Variants in CCDC12 observed in about 807,000 individuals in gnomAD.
CCDC12 encodes the protein coiled-coil domain containing 12.
In CCDC12, 28 loss-of-function variants were observed where a neutral mutation model predicts 25.7. The observed-to-expected ratio is 1.09, with a 90% CI of 0.81 to 1.50. CCDC12 has a LOEUF of 1.50. Ranked by LOEUF, CCDC12 falls within the 40% of genes most tolerant of loss-of-function variation. The pLI, the probability that CCDC12 is intolerant of heterozygous loss-of-function variation, is 0.00. For missense variants in CCDC12, 198 were observed against 210.0 expected, an observed-to-expected ratio of 0.94 and a Z score of 0.35; for synonymous variants, 75 against 87.7, an observed-to-expected ratio of 0.86 and a Z score of 0.81.
chr3:46,946,629 C>T (rs2033917545), intron 1 of CCDC12, among the ~76,000 whole-genome samples: 2 of 152,332 alleles, frequency 1.3e-5, no homozygotes, highest in East Asian at 1.9e-4. Context: ...AGCATGAGGG[C>T]CGACACCCTG....
upstream of CCDC12, among the ~76,000 whole-genome samples, chr3:46,977,419 G>A (rs1443235614): frequency 1.3e-5 from 2 of 149,586 alleles, no homozygotes; most frequent in Admixed American, 1.3e-4. Flanking sequence ...GTTGCAGTGA[G>A]CCGAGATCGT....
At chr3:46,975,480 C>T (rs1461080778) in intron 1 of CCDC12, among the ~76,000 whole-genome samples, 1 of 151,142 alleles carries the variant, frequency 6.6e-6, no homozygotes, top group East Asian at 2.0e-4. Flanking sequence ...GCCCGGCCCT[C>T]GTTCCCAATT....
chr3:46,926,698 C>A (rs1033844036), intron 2 of CCDC12, among the ~76,000 whole-genome samples: 2 of 152,152 alleles, frequency 1.3e-5, no homozygotes, highest in African/African-American at 4.8e-5. Context: ...TGGGACAGAC[C>A]CCTAGCCCCA....
intron 1 of CCDC12, among the ~76,000 whole-genome samples, chr3:46,959,639 G>C (rs1332459797): frequency 6.6e-6 from 1 of 152,128 alleles, no homozygotes; most frequent in Admixed American, 6.6e-5. Flanking sequence ...CAGTTGAGAA[G>C]AGCAGACCCT....
chr3:46,971,450 C>T lies in CCDC12; in HGVS notation c.96+5187G>A, dbSNP rs78640397. ...ATCCCAGCTCTCCTCAGCCTCTTGC[C>T]TTGCTCCTCTCACTAATAAGTGGCA... On this transcript the variant is annotated intron_variant, in intron 1 of 6. Transcript: ENST00000683445. Among the ~76,000 whole-genome samples, 561 of 152,358 alleles carry T rather than the reference C, an allele frequency of 3.7e-3. 4 individuals carry two copies. The highest frequency in any genetic ancestry group is 0.013 in the African/African-American group (537 of 41,588).
At position 46,921,866 on chromosome 3, in the gene CCDC12, C is replaced by T. The variant is rs993802816; in HGVS notation, c.*191G>A. The T allele has an allele frequency of 1.8e-5, 11 of 615,530 alleles. No individual in the cohort carries two copies. The highest frequency in any genetic ancestry group is 3.7e-5 in the African/African-American group (2 of 54,098). The allele number at this position is 615,530 out of a possible 1,614,324, so 38.1% of individuals were successfully genotyped here. A position where few individuals can be genotyped will look rare whatever the true frequency, so the allele number is the denominator to read the frequency against. On this transcript the variant is annotated 3_prime_UTR_variant, in exon 7 of 7. Transcript: ENST00000683445. Reference sequence around the variant, plus strand: ...CCCAGAGTTGTTGCTGGTTCTGCCTCCATTCAGAATGGCAGGGGCCACCCA... The same window carrying T: ...CCCAGAGTTGTTGCTGGTTCTGCCTTCATTCAGAATGGCAGGGGCCACCCA...
intron 2 of CCDC12, among the ~76,000 whole-genome samples, chr3:46,927,899 G>T (rs888943610): frequency 5.9e-5 from 9 of 152,192 alleles, no homozygotes; most frequent in African/African-American, 2.2e-4. Flanking sequence ...GCCCACCCCC[G>T]GAATTCCACC....
intron 1 of CCDC12, among the ~76,000 whole-genome samples, chr3:46,969,718 C>T (rs1044177714): frequency 6.6e-6 from 1 of 152,192 alleles, no homozygotes; most frequent in African/African-American, 2.4e-5. Context: ...TGATGGTCAT[C>T]TGGGTTTCCA....
rs2034823301 is a variant in CCDC12 at position 46,972,152 on chromosome 3, A to G, written c.96+4485T>C. Among the ~76,000 whole-genome samples the G allele has an allele frequency of 2.6e-5, 4 of 152,224 alleles. No homozygotes were observed. In the South Asian group the frequency reaches 8.3e-4, roughly 32 times the overall value. ...AAAACAGATAAATTGAACTTCATCA[A>G]ATTTTAAACTCTTTGCGCAGCAAAT... is the stretch of plus-strand genomic sequence containing the variant. On this transcript the variant is annotated intron_variant, in intron 1 of 6. Transcript: ENST00000683445.
upstream of CCDC12, among the ~76,000 whole-genome samples, chr3:46,977,269 T>C (rs996272809): frequency 7.2e-5 from 11 of 152,128 alleles, no homozygotes; most frequent in Non-Finnish European, 1.6e-4. Context: ...GGTCAGGAGA[T>C]GGAGACCATC....
In CCDC12 at chr3:46,940,765, T is replaced by C. The variant is rs113330205; in HGVS notation, c.164+233A>G. 5.8e-4 allele frequency: 326 copies of C among 557,734 alleles called. 1 individual carries two copies. Among genetic ancestry groups the C allele is most frequent in the African/African-American group, 5.5e-3 (293 of 53,286 alleles). 34.5% of individuals were successfully genotyped at this position (557,734 alleles called of 1,614,324 possible). On this transcript the variant is annotated intron_variant, in intron 2 of 6. Transcript: ENST00000683445. The stretch of plus-strand genomic sequence containing the variant: ...CATAATGTAAGGGCTAGAAAGAAAA[T>C]GCTGGGGGCTGAGTAACAGCCAAAT...
chr3:46,923,420 G>A (rs765739904), intron 4 of CCDC12, 57 bp from the exon 5 acceptor site: 45 of 1,557,800 alleles, frequency 2.9e-5, no homozygotes, highest in Non-Finnish European at 3.6e-5. Context: ...ACAAGGGGGA[G>A]GGCAGGCTCG....
chr3:46,938,960 C>T (rs2033579222), intron 2 of CCDC12, among the ~76,000 whole-genome samples: 1 of 152,196 alleles, frequency 6.6e-6, no homozygotes, highest in African/African-American at 2.4e-5. Context: ...TATGTGTTTA[C>T]ACTTCTGCTT....
chr3:46,967,713 G>A (rs985051480), intron 1 of CCDC12, among the ~76,000 whole-genome samples: 1 of 152,098 alleles, frequency 6.6e-6, no homozygotes, highest in Non-Finnish European at 1.5e-5. Flanking sequence ...GTTCATAGCT[G>A]TATCCCCAGG....
intron 1 of CCDC12, among the ~76,000 whole-genome samples, chr3:46,973,093 G>A (rs1026911213): frequency 6.0e-5 from 9 of 150,844 alleles, no homozygotes; most frequent in Non-Finnish European, 1.2e-4. Context: ...GGTGGCTCAC[G>A]CCTGTAATCC....
intron 2 of CCDC12, among the ~76,000 whole-genome samples, chr3:46,928,033 T>C (rs1054068537): frequency 6.6e-6 from 1 of 152,126 alleles, no homozygotes; most frequent in African/African-American, 2.4e-5. Flanking sequence ...TGGATCACTT[T>C]AGGTCAGGAG....
At chr3:46,961,328 G>T (rs1336360373) in intron 1 of CCDC12, among the ~76,000 whole-genome samples, 2 of 152,150 alleles carry the variant, frequency 1.3e-5, no homozygotes, top group Non-Finnish European at 2.9e-5. Flanking sequence ...ATGTCTGCAG[G>T]GTCAATGGAA....
chr3:46,926,595 C>A (rs899705088), intron 2 of CCDC12, among the ~76,000 whole-genome samples: 4 of 152,124 alleles, frequency 2.6e-5, no homozygotes, highest in Non-Finnish European at 1.5e-5. Context: ...CAGAAGCAGG[C>A]TCCCAGGAAA....
chr3:46,925,239 T>C (rs772891660), intron 3 of CCDC12: 6 of 695,600 alleles, frequency 8.6e-6, no homozygotes, highest in Non-Finnish European at 1.6e-5. Flanking sequence ...TGAGCAGGAC[T>C]GAGAAGGCAC....
Sources: allele counts gnomAD v4.1 joint callset (sites outside exome capture counted in the v4.1 genomes callset), GRCh38; gene constraint gnomAD v4.1.1; transcripts MANE v1.5; gene names NCBI Gene and HGNC (gene_info 2026-07-23, HGNC 2026-07-21).